Variants in ZNF449 observed in about 807,000 individuals in gnomAD.
The protein encoded by ZNF449 is zinc finger and SCAN domain-containing protein 19.
ZNF449 carries 4 observed loss-of-function variants against 32.6 expected under a neutral mutation model. The ratio of observed to expected loss-of-function variants is 0.12; its 90% confidence interval spans 0.06 to 0.28. The LOEUF (loss-of-function observed/expected upper bound fraction) is 0.28. Among genes scored for constraint, ZNF449 ranks in the 10% least tolerant of loss-of-function variants. The probability of loss-of-function intolerance (pLI) is 1.00; values close to 1 mark genes in which losing one functional copy is unlikely to be tolerated. For missense variants in ZNF449, 275 were observed against 383.2 expected (o/e 0.72, Z 2.36); for synonymous variants, 123 against 132.2 (o/e 0.93, Z 0.48).
At chrX:135,349,000 T>C (rs1315738673) in intron 2 of ZNF449, 110 bp from the exon 3 acceptor site, 2 of 1,014,976 alleles carry the variant, frequency 2.0e-6, no homozygotes, top group African/African-American at 3.8e-5. Flanking sequence ...TTTAAAAAAT[T>C]TATTCATATG....
chrX:135,350,279 C>A, intron 3 of ZNF449, among the ~76,000 whole-genome samples: 1 of 111,338 alleles, frequency 9.0e-6, no homozygotes, highest in East Asian at 2.8e-4. Context: ...GCCATTACAC[C>A]CGGCTTCTCC....
chrX:135,345,569 C>T (rs1319662221), intron 1 of ZNF449, among the ~76,000 whole-genome samples: 1 of 112,265 alleles, frequency 8.9e-6, no homozygotes, highest in East Asian at 2.8e-4. Flanking sequence ...CTATTCGCTT[C>T]GCATGCAATT....
At chrX:135,358,040 GTTC>G (rs2084926850) in intron 3 of ZNF449, among the ~76,000 whole-genome samples, 1 of 110,842 alleles carries the variant, frequency 9.0e-6, no homozygotes, top group African/African-American at 3.3e-5. Context: ...AGTCTTTTTT[GTTC>G]TTCTATCCCT....
chrX:135,350,059 T>C (rs1362465181), intron 3 of ZNF449, among the ~76,000 whole-genome samples: 1 of 105,744 alleles, frequency 9.5e-6, no homozygotes, highest in Non-Finnish European at 1.9e-5. Flanking sequence ...CAGGCTGGAG[T>C]GCAGTGGCGC....
intron 3 of ZNF449, among the ~76,000 whole-genome samples, chrX:135,358,231 A>T (rs1409497919): frequency 9.0e-6 from 1 of 111,592 alleles, no homozygotes; most frequent in East Asian, 2.8e-4. Context: ...TGTTTCTCCT[A>T]TGTAGCTCTG....
At chrX:135,351,619 C>G (rs782552803) in intron 3 of ZNF449, among the ~76,000 whole-genome samples, 2 of 86,556 alleles carry the variant, frequency 2.3e-5, no homozygotes, top group East Asian at 7.9e-4. Context: ...ATGTTCCAAG[C>G]TTTACATCAT....
intron 3 of ZNF449, among the ~76,000 whole-genome samples, chrX:135,358,357 A>C (rs1306472570): frequency 9.0e-6 from 1 of 111,686 alleles, no homozygotes; most frequent in African/African-American, 3.2e-5. Flanking sequence ...ACTCTTAAGA[A>C]GCTGAAAGAA....
chrX:135,356,020 A>G (rs1159534300), intron 3 of ZNF449, among the ~76,000 whole-genome samples: 1 of 112,530 alleles, frequency 8.9e-6, no homozygotes, highest in Non-Finnish European at 1.9e-5. Context: ...TTATGGTTGC[A>G]TAGTCCATTG....
At position 135,347,431 on chromosome X, in the gene ZNF449, A is replaced by T. The variant is rs2084855066; in HGVS notation, c.313A>T (p.Ile105Leu). Residue 105 changes from isoleucine to leucine, a missense_variant, in exon 2 of 5, where the codon ATA (isoleucine) becomes TTA (leucine). By Grantham distance (5) the Ile-to-Leu change is conservative. This residue lies in a region of ZNF449 where 165 missense variants were observed against 175.0 expected (regional missense o/e 0.94). Coordinates refer to ENST00000339249, the MANE Select transcript of ZNF449 (RefSeq NM_152695.6). ...GAATAGAGAAAGAGTTGTGTCACTGATAGAAGACTTACAGAGAGAACTTGA... is the reference window on the plus strand; with the variant it reads ...GAATAGAGAAAGAGTTGTGTCACTGTTAGAAGACTTACAGAGAGAACTTGA... ...PENRERVVSL[I>L]EDLQRELEIP... is the part of the protein sequence containing the mutation. The T allele has an allele frequency of 3.3e-6, 4 of 1,212,122 alleles. No individual in the cohort carries two copies. The highest frequency in any genetic ancestry group is 2.3e-4 in the Middle Eastern group (1 of 4,356).
intron 3 of ZNF449, among the ~76,000 whole-genome samples, chrX:135,350,265 G>C (rs1056370168): frequency 2.7e-5 from 3 of 111,050 alleles, no homozygotes; most frequent in Non-Finnish European, 5.7e-5. Flanking sequence ...GATTACAGGC[G>C]TGAGCCATTA....
At position 135,347,355 on chromosome X, in the gene ZNF449, A is replaced by T; in HGVS notation, c.237A>T (p.Leu79=). ...ILELLVLEQF[L]TILPTEIETW... ...AGCTGCTAGTGTTGGAGCAATTCCTAACTATCCTGCCCACAGAGATAGAGA... is the reference window on the plus strand; with the variant it reads ...AGCTGCTAGTGTTGGAGCAATTCCTTACTATCCTGCCCACAGAGATAGAGA... Residue 79 remains leucine, a synonymous_variant, in exon 2 of 5, where the codon CTA becomes CTT. Coordinates refer to ENST00000339249, the MANE Select transcript of ZNF449 (RefSeq NM_152695.6). 8.2e-7 allele frequency: 1 copy of T among 1,212,223 alleles called. No homozygotes were observed. Among genetic ancestry groups the T allele is most frequent in the Admixed American group, 2.2e-5 (1 of 46,107 alleles).
At chrX:135,354,046 C>G (rs2084902576) in intron 3 of ZNF449, among the ~76,000 whole-genome samples, 1 of 112,001 alleles carries the variant, frequency 8.9e-6, no homozygotes, top group Non-Finnish European at 1.9e-5. Context: ...TGGAGCCAAA[C>G]TAGAAAACAT....
chrX:135,345,270 G>A (rs782036555), intron 1 of ZNF449, among the ~76,000 whole-genome samples: 25 of 112,796 alleles, frequency 2.2e-4, no homozygotes, highest in African/African-American at 6.1e-4. Context: ...GAAATCACTG[G>A]TCCCACAGTG....
In ZNF449 at chrX:135,360,638, TA is replaced by T; in HGVS notation, c.1120del (p.Thr374GlnfsTer22). Reference sequence around the variant, plus strand: ...ACCTTTATAGACACCAACGACTTCATACAGGGGAGAGACCCTATGAATGCAC... The same window carrying T: ...ACCTTTATAGACACCAACGACTTCATCAGGGGAGAGACCCTATGAATGCAC... The part of the protein sequence containing the change: ...SDLYRHQRLH[T>X]GERPYECTVC... On this transcript the variant is annotated frameshift_variant, in exon 5 of 5. Transcript: ENST00000339249. LOFTEE classifies it high-confidence loss of function. The T allele has an allele frequency of 1.7e-6, 2 of 1,211,509 alleles. No homozygotes were observed. Among genetic ancestry groups the T allele is most frequent in the Non-Finnish European group, 2.2e-6 (2 of 895,373 alleles).
At position 135,347,298 on chromosome X, in the gene ZNF449, G is replaced by A. The variant is rs1556448648; in HGVS notation, c.180G>A (p.Lys60=). ...GGGAGCTTTGCTGTCAATGGCTGAAGCCAAAGATGCGCTCTAAGGAACAAA... is the reference window on the plus strand; with the variant it reads ...GGGAGCTTTGCTGTCAATGGCTGAAACCAAAGATGCGCTCTAAGGAACAAA... The part of the protein sequence containing the change: ...KLWELCCQWL[K]PKMRSKEQIL... Residue 60 remains lysine, a synonymous_variant, in exon 2 of 5, where the codon AAG becomes AAA. Transcript: ENST00000339249. 1 of 1,212,445 alleles carries A rather than the reference G, an allele frequency of 8.2e-7. No individual in the cohort carries two copies. The highest frequency in any genetic ancestry group is 1.1e-6 in the Non-Finnish European group (1 of 895,691).
intron 3 of ZNF449, among the ~76,000 whole-genome samples, chrX:135,354,018 A>G (rs973998009): frequency 1.8e-5 from 2 of 112,417 alleles, no homozygotes; most frequent in Middle Eastern, 4.2e-3. Flanking sequence ...TTGCCACTCA[A>G]CATTGACCCA....
intron 4 of ZNF449, 39 bp from the exon 5 acceptor site, chrX:135,360,154 G>T: frequency 8.7e-7 from 1 of 1,148,399 alleles, no homozygotes; most frequent in South Asian, 2.1e-5. Context: ...TTTCTCCATG[G>T]AACACAATAT....
At chrX:135,351,395 T>C (rs782734676) in intron 3 of ZNF449, among the ~76,000 whole-genome samples, 2 of 111,002 alleles carry the variant, frequency 1.8e-5, no homozygotes, top group African/African-American at 6.6e-5. Context: ...TCCAGGTTTC[T>C]GGCCATTGAA....
chrX:135,344,878 C>T (rs1556447414), intron 1 of ZNF449, 43 bp downstream of exon 1: 1 of 113,232 alleles, frequency 8.8e-6, no homozygotes. Flanking sequence ...TTCCCTGGGG[C>T]GCGGGCGCGG....
Sources: allele counts gnomAD v4.1 joint callset (sites outside exome capture counted in the v4.1 genomes callset), GRCh38; gene constraint gnomAD v4.1.1; regional missense constraint gnomAD v4.1.1; transcripts MANE v1.5; gene names NCBI Gene and HGNC (gene_info 2026-07-23, HGNC 2026-07-21).